CCDC148: variants seen among roughly 807,000 people sequenced by gnomAD.
CCDC148 encodes the protein coiled-coil domain containing 148, also known as coiled-coil domain-containing protein 148.
In CCDC148, 89 loss-of-function variants were observed where a neutral mutation model predicts 85.7. That is an observed-to-expected ratio of 1.04 (90% CI 0.87 to 1.24). The LOEUF (loss-of-function observed/expected upper bound fraction) is 1.24, where lower values mean the gene tolerates loss of function less well. CCDC148 is among the 50% of genes most tolerant of loss of function. The pLI, the probability that CCDC148 is intolerant of heterozygous loss-of-function variation, is 0.00. For synonymous variants in CCDC148, 230 were observed against 213.9 expected (o/e 1.08, Z -0.66); for missense variants, 692 against 671.7 (o/e 1.03, Z -0.33).
At chr2:158,389,994 A>G (rs1405665364) in intron 1 of CCDC148, among the ~76,000 whole-genome samples, 1 of 152,144 alleles carries the variant, frequency 6.6e-6, no homozygotes, top group Non-Finnish European at 1.5e-5. Context: ...GATCAAGGTC[A>G]TTTCTTAGCA....
intron 1 of CCDC148, among the ~76,000 whole-genome samples, chr2:158,432,090 T>C (rs1208811357): frequency 6.6e-6 from 1 of 152,144 alleles, no homozygotes; most frequent in Non-Finnish European, 1.5e-5. Flanking sequence ...TAATTTAAGA[T>C]ATACTGTACT....
intron 1 of CCDC148, among the ~76,000 whole-genome samples, chr2:158,385,166 T>C (rs1188540501): frequency 6.6e-6 from 1 of 152,152 alleles, no homozygotes; most frequent in Non-Finnish European, 1.5e-5. Context: ...TCTAATTTTC[T>C]CTAGACCTAA....
intron 5 of CCDC148, among the ~76,000 whole-genome samples, chr2:158,339,702 C>T (rs1309096521): frequency 6.6e-6 from 1 of 152,044 alleles, no homozygotes; most frequent in Non-Finnish European, 1.5e-5. Flanking sequence ...ACATTTGAGC[C>T]AAGATCTAAA....
At chr2:158,385,441 C>T (rs1327591385) in intron 1 of CCDC148, among the ~76,000 whole-genome samples, 2 of 152,056 alleles carry the variant, frequency 1.3e-5, no homozygotes, top group Non-Finnish European at 2.9e-5. Context: ...AAGCACTATA[C>T]ATGTATTAAC....
intron 1 of CCDC148, chr2:158,393,094 A>C (rs547454179): frequency 6.8e-4 from 103 of 152,240 alleles, no homozygotes; most frequent in Non-Finnish European, 9.6e-4. Context: ...TCCTCTTAAA[A>C]CCAGATAAAA....
At chr2:158,195,988 G>T (rs1388064279) in intron 11 of CCDC148, among the ~76,000 whole-genome samples, 1 of 152,064 alleles carries the variant, frequency 6.6e-6, no homozygotes, top group African/African-American at 2.4e-5. Flanking sequence ...ATCACAATTA[G>T]CTCCTCATGG....
At chr2:158,417,640 G>A (rs181850003) in intron 1 of CCDC148, among the ~76,000 whole-genome samples, 4 of 152,230 alleles carry the variant, frequency 2.6e-5, no homozygotes, top group African/African-American at 4.8e-5. Flanking sequence ...CCTGCCTTGT[G>A]GTCTCAAGGC....
chr2:158,220,797 C>T (rs60011725), intron 10 of CCDC148, 84 bp from the exon 11 acceptor site: 8 of 1,033,662 alleles, frequency 7.7e-6, no homozygotes, highest in South Asian at 3.0e-5. Flanking sequence ...TCCACTGGTT[C>T]GTATTACAAA....
chr2:158,301,406 A>G (rs1691435539), intron 9 of CCDC148, among the ~76,000 whole-genome samples: 1 of 152,238 alleles, frequency 6.6e-6, no homozygotes, highest in African/African-American at 2.4e-5. Context: ...GAGGATTTCT[A>G]TTTTGGACAC....
intron 2 of CCDC148, among the ~76,000 whole-genome samples, chr2:158,357,352 C>A (rs913092793): frequency 6.6e-6 from 1 of 151,156 alleles, no homozygotes; most frequent in East Asian, 1.9e-4. Flanking sequence ...ATAGTAGGCA[C>A]ATAATAAATA....
chr2:158,366,687 T>C (rs1341214990), intron 1 of CCDC148, among the ~76,000 whole-genome samples: 1 of 152,170 alleles, frequency 6.6e-6, no homozygotes, highest in Non-Finnish European at 1.5e-5. Flanking sequence ...TAATATTTGC[T>C]CTGGAGCTTC....
chr2:158,377,007 T>A (rs1164374577), intron 1 of CCDC148, among the ~76,000 whole-genome samples: 1 of 151,946 alleles, frequency 6.6e-6, no homozygotes, highest in African/African-American at 2.4e-5. Flanking sequence ...TGGGGAGTGC[T>A]CATAAGTCAG....
intron 11 of CCDC148, 84 bp from the exon 12 acceptor site, chr2:158,179,080 C>T: frequency 1.1e-6 from 1 of 892,160 alleles, no homozygotes; most frequent in Non-Finnish European, 1.7e-6. Flanking sequence ...GGGCAGAACA[C>T]ATCTCAGAGG....
chr2:158,425,175 G>T, intron 1 of CCDC148: 5 of 525,178 alleles, frequency 9.5e-6, no homozygotes, highest in Admixed American at 3.9e-5. Flanking sequence ...TGGCAGATAT[G>T]ATCATGCTGG....
intron 1 of CCDC148, among the ~76,000 whole-genome samples, chr2:158,426,877 T>C (rs570947962): frequency 1.3e-5 from 2 of 152,318 alleles, no homozygotes; most frequent in South Asian, 4.1e-4. Context: ...CAATGTTGGC[T>C]ATTGCAAAGG....
chr2:158,437,654 A>G (rs569317194), intron 1 of CCDC148, among the ~76,000 whole-genome samples: 1 of 152,322 alleles, frequency 6.6e-6, no homozygotes, highest in African/African-American at 2.4e-5. Context: ...AAGGAAATAA[A>G]GGGTATTCAA....
At chr2:158,345,033 A>G (rs1202437692) in intron 3 of CCDC148, among the ~76,000 whole-genome samples, 182 bp downstream of exon 3, 3 of 152,162 alleles carry the variant, frequency 2.0e-5, no homozygotes, top group Admixed American at 2.0e-4. Flanking sequence ...ATATTAATAT[A>G]TTCACTGGAT....
intron 8 of CCDC148, among the ~76,000 whole-genome samples, chr2:158,312,497 G>A (rs532305224): frequency 1.4e-5 from 2 of 142,410 alleles, no homozygotes; most frequent in South Asian, 2.3e-4. Flanking sequence ...CAGGAGAATC[G>A]CTTGAACCCA....
chr2:158,283,784 C>A (rs1461839165), intron 9 of CCDC148, among the ~76,000 whole-genome samples: 1 of 151,660 alleles, frequency 6.6e-6, no homozygotes, highest in Non-Finnish European at 1.5e-5. Context: ...AGGTATATAC[C>A]CAAAGGACTA....
Sources: gnomAD v4.1 joint callset for allele counts (sites outside exome capture counted in the v4.1 genomes callset) on GRCh38, gnomAD v4.1.1 for gene constraint, MANE v1.5 for transcripts, NCBI Gene and HGNC (gene_info 2026-07-23, HGNC 2026-07-21) for gene names.